The following SLC35D1 variants were observed in gnomAD, a reference collection of about 807,000 sequenced individuals.
SLC35D1 encodes nucleotide sugar transporter SLC35D1.
Under a neutral mutation model 46.7 loss-of-function variants are expected in SLC35D1, and 31 were observed. The observed-to-expected ratio is 0.66, with a 90% confidence interval of 0.50 to 0.90. The LOEUF is 0.90. Ranked by LOEUF, SLC35D1 falls within the 40% of genes least tolerant of loss-of-function variation. SLC35D1 has a pLI of 0.00. For missense variants in SLC35D1, 397 were observed against 426.2 expected (o/e 0.93, Z 0.60); for synonymous variants, 195 against 164.6 (o/e 1.18, Z -1.41).
At position 67,052,029 on chromosome 1, in the gene SLC35D1, G is replaced by A; in HGVS notation, c.375C>T (p.Phe125=). Residue 125 remains phenylalanine (F), a synonymous_variant, in exon 4 of 12, where the codon TTC becomes TTT. Coordinates refer to ENST00000235345, the MANE Select transcript of SLC35D1 (RefSeq NM_015139.3). The part of the protein sequence containing the change: ...LYFGNQITGL[F]STKKLNLPMF... ...ATCCATACTTCAGTTTCTTTGTGCT[G>A]AACAGTCCCGTGATTTGGTTCCCAA... 1.2e-6 allele frequency: 2 copies of A among 1,609,002 alleles called. No individual in the cohort carries two copies. Among genetic ancestry groups the A allele is most frequent in the Non-Finnish European group, 1.7e-6 (2 of 1,175,498 alleles).
At chr1:67,052,209 A>T in intron 3 of SLC35D1, 130 bp from the exon 4 acceptor site, 1 of 703,778 alleles carries the variant, frequency 1.4e-6, no homozygotes. Flanking sequence ...TAGTTATCAT[A>T]CACAATTTTG....
chr1:66,981,290 T>C, the SLC35D1 span, among the ~76,000 whole-genome samples: 1 of 152,238 alleles, frequency 6.6e-6, no homozygotes, highest in Non-Finnish European at 1.5e-5. Context: ...TAGCATCTTA[T>C]AGCTCAGATC....
At chr1:67,013,173 G>A (rs1439674269) in intron 10 of SLC35D1, among the ~76,000 whole-genome samples, 4 of 4,270 alleles carry the variant, frequency 9.4e-4, no homozygotes, top group East Asian at 0.02. Context: ...TATATATCCT[G>A]TTCTTAAATT....
At chr1:67,053,787 G>A in intron 1 of SLC35D1, 24 bp downstream of exon 1, 1 of 1,550,440 alleles carries the variant, frequency 6.4e-7, no homozygotes. Context: ...TCCGCGGCCT[G>A]GGCCGCCGCC....
chr1:67,039,528 T>TG (rs1308597443), intron 8 of SLC35D1, among the ~76,000 whole-genome samples: 6 of 144,366 alleles, frequency 4.2e-5, no homozygotes, highest in Non-Finnish European at 6.1e-5. Context: ...TGTGCGCGCG[T>TG]GGGGGGTATT....
the SLC35D1 span, chr1:66,973,126 G>A: frequency 1.7e-6 from 1 of 579,462 alleles, no homozygotes; most frequent in Non-Finnish European, 3.0e-6. Context: ...TATTTAGTGA[G>A]TAATTATAGT....
At chr1:66,985,042 C>T in the SLC35D1 span, 71 of 1,377,456 alleles carry the variant, frequency 5.2e-5, no homozygotes, top group South Asian at 8.4e-4. Flanking sequence ...AATGAGGTTT[C>T]ATAATTCTGC....
the SLC35D1 span, chr1:66,987,744 C>G: frequency 1.5e-4 from 23 of 151,708 alleles, no homozygotes; most frequent in African/African-American, 5.6e-4. Context: ...TTGAATGATG[C>G]ATGTTATTGA....
Position 67,049,840 on chromosome 1 carries a change from A to T in SLC35D1, c.475T>A (p.Ser159Thr), listed in dbSNP as rs1201384907. 2 of 1,613,316 alleles carry T rather than the reference A, an allele frequency of 1.2e-6. No homozygotes were observed. Among genetic ancestry groups the T allele is most frequent in the Non-Finnish European group, 1.7e-6 (2 of 1,179,584 alleles). Residue 159 changes from serine to threonine, a missense_variant, in exon 6 of 12, where the codon TCT becomes ACT. Transcript: ENST00000235345. ...AEGVLLKKTFSWGIKMTVFAM... is the reference protein window; with the variant it reads ...AEGVLLKKTFTWGIKMTVFAM... The stretch of plus-strand genomic sequence containing the variant: ...AATACAGTCATTTTAATACCCCAAG[A>T]AAAAGTCTTCCTACAAAACAAAAAA...
the SLC35D1 span, among the ~76,000 whole-genome samples, chr1:66,977,348 G>T: frequency 2.0e-5 from 3 of 152,024 alleles, no homozygotes; most frequent in Admixed American, 1.3e-4. Flanking sequence ...GACCTCAAAT[G>T]ATCCACCTGC....
intron 6 of SLC35D1, among the ~76,000 whole-genome samples, chr1:67,049,139 A>G (rs1247920165): frequency 1.3e-5 from 2 of 152,100 alleles, no homozygotes; most frequent in African/African-American, 2.4e-5. Context: ...CTAAGAATAC[A>G]AAAAATTAGC....
At chr1:67,047,077 C>T (rs569084921) in intron 7 of SLC35D1, among the ~76,000 whole-genome samples, 188 bp downstream of exon 7, 1 of 152,256 alleles carries the variant, frequency 6.6e-6, no homozygotes. Context: ...TGGAATAAAA[C>T]CTAATTGCTA....
At chr1:67,051,976 A>T (rs1422820285) in intron 4 of SLC35D1, 36 bp downstream of exon 4, 4 of 1,338,936 alleles carry the variant, frequency 3.0e-6, no homozygotes, top group Non-Finnish European at 4.3e-6. Context: ...AGAATACATT[A>T]TATTAACCTC....
the SLC35D1 span, among the ~76,000 whole-genome samples, chr1:66,981,492 T>C: frequency 6.6e-6 from 1 of 152,216 alleles, no homozygotes; most frequent in Non-Finnish European, 1.5e-5. Context: ...CTTCCAGTTC[T>C]AGTTGGGCCA....
At chr1:67,008,365 T>C (rs1349902969) in intron 11 of SLC35D1, 1 of 1,248,616 alleles carries the variant, frequency 8.0e-7, no homozygotes, top group South Asian at 1.3e-5. Flanking sequence ...TCTTGATCTC[T>C]TGACCTTGTG....
chr1:66,973,320 C>T, the SLC35D1 span, among the ~76,000 whole-genome samples: 1 of 151,884 alleles, frequency 6.6e-6, no homozygotes, highest in South Asian at 2.1e-4. Context: ...TTATGGAGGG[C>T]CTTTGAAATG....
intron 8 of SLC35D1, among the ~76,000 whole-genome samples, chr1:67,038,166 A>G (rs1346260072): frequency 6.6e-6 from 1 of 152,240 alleles, no homozygotes; most frequent in Non-Finnish European, 1.5e-5. Context: ...CCCAGAAAAC[A>G]GAAGGAATCT....
chr1:66,986,115 GTATCGATTT>G, the SLC35D1 span: 1 of 1,107,172 alleles, frequency 9.0e-7, no homozygotes, highest in East Asian at 6.2e-5. Context: ...TTGGCAGGCA[GTATCGATTT>G]TATGAAGAGA....
At chr1:66,983,992 G>A in the SLC35D1 span, among the ~76,000 whole-genome samples, 4 of 152,190 alleles carry the variant, frequency 2.6e-5, no homozygotes, top group East Asian at 7.7e-4. Flanking sequence ...CCAAAGTGCT[G>A]GGAATACAGG....
Sources: gnomAD v4.1 joint callset for allele counts (sites outside exome capture counted in the v4.1 genomes callset) on GRCh38, gnomAD v4.1.1 for gene constraint, MANE v1.5 for transcripts, NCBI Gene and HGNC (gene_info 2026-07-23, HGNC 2026-07-21) for gene names.